Variants in PDK1 observed in about 807,000 individuals in gnomAD.
PDK1 encodes [Pyruvate dehydrogenase (acetyl-transferring)] kinase isozyme 1, mitochondrial.
PDK1 carries 39 observed loss-of-function variants against 54.2 expected under a neutral mutation model. That is an observed-to-expected ratio of 0.72 (90% confidence interval 0.56 to 0.94). The LOEUF is 0.94. Among genes scored for constraint, PDK1 ranks in the 40% least tolerant of loss-of-function variants. The pLI is 0.00. For synonymous variants in PDK1, 221 were observed against 207.1 expected (o/e 1.07, Z -0.58); for missense variants, 552 against 566.0 (o/e 0.98, Z 0.25).
Position 172,566,904 on chromosome 2 carries a change from C to G in PDK1, c.740C>G (p.Ser247Cys), listed in dbSNP as rs764312711. Residue 247 changes from serine (S) to cysteine (C), a missense_variant, in exon 6 of 11, where the codon TCT becomes TGT. Transcript: ENST00000282077. ...CTGTGTGATTTGTATTATATTAACT[C>G]TCCCGAACTAGAACTTGAAGAACTA... Reference protein sequence around the residue: ...RRLCDLYYINSPELELEELNA... With the variant: ...RRLCDLYYINCPELELEELNA... 2.5e-6 allele frequency: 4 copies of G among 1,610,178 alleles called. No individual in the cohort carries two copies. In the African/African-American group the frequency reaches 4.0e-5, roughly 16 times the overall value.
the PDK1 span, among the ~76,000 whole-genome samples, chr2:172,646,735 C>CTTTTTTTTTTTTTTTTTTTTTT: frequency 1.6e-3 from 117 of 72,032 alleles, 21 homozygotes; most frequent in African/African-American, 5.2e-3. Context: ...CTTGCATTTC[C>CTTTTTTTTTTTTTTTTTTTTTT]TTTTTTTTTT....
chr2:172,642,576 C>T, the PDK1 span, among the ~76,000 whole-genome samples: 2 of 152,312 alleles, frequency 1.3e-5, no homozygotes, highest in East Asian at 1.9e-4. Context: ...TTTTAACAAG[C>T]CCTCCAGGTG....
At chr2:172,665,760 A>G in the PDK1 span, among the ~76,000 whole-genome samples, 7 of 152,204 alleles carry the variant, frequency 4.6e-5, no homozygotes, top group East Asian at 1.3e-3. Flanking sequence ...CCTGTGACCA[A>G]GTAGCACAGT....
At chr2:172,571,106 A>G (rs1486627842) in intron 8 of PDK1, among the ~76,000 whole-genome samples, 2 of 152,182 alleles carry the variant, frequency 1.3e-5, no homozygotes, top group African/African-American at 4.8e-5. Flanking sequence ...AGTAAGATCT[A>G]AAATATTTGG....
At position 172,602,551 on chromosome 2, in the gene PDK1, A is replaced by G. The variant is rs1252326087; in HGVS notation, c.*6582A>G. ...ATGAGGTTGGATCCATGGGCCTGCCATGGAAAATTTGTTGAGTAATACGTC... is the reference window on the plus strand; with the variant it reads ...ATGAGGTTGGATCCATGGGCCTGCCGTGGAAAATTTGTTGAGTAATACGTC... On this transcript the variant is annotated 3_prime_UTR_variant, in exon 11 of 11. Coordinates refer to ENST00000282077, the MANE Select transcript of PDK1 (RefSeq NM_002610.5). 6.6e-6 allele frequency: 1 copy of G among 152,188 alleles called. No homozygotes were observed. Among genetic ancestry groups the G allele is most frequent in the Admixed American group, 6.5e-5 (1 of 15,282 alleles). 9.4% of individuals were successfully genotyped at this position (152,188 alleles called of 1,614,324 possible).
chr2:172,560,863 C>G (rs535072452), intron 2 of PDK1, among the ~76,000 whole-genome samples: 1 of 152,274 alleles, frequency 6.6e-6, no homozygotes, highest in South Asian at 2.1e-4. Context: ...CTGTATGCTT[C>G]AAACAAATGA....
chr2:172,610,523 C>G (rs578057939), downstream of PDK1, among the ~76,000 whole-genome samples: 10 of 152,282 alleles, frequency 6.6e-5, no homozygotes, highest in Non-Finnish European at 8.8e-5. Flanking sequence ...AGTTATTAAT[C>G]TTTGGGTTAC....
At chr2:172,634,636 A>G in the PDK1 span, among the ~76,000 whole-genome samples, 1 of 152,038 alleles carries the variant, frequency 6.6e-6, no homozygotes, top group African/African-American at 2.4e-5. Context: ...AGACTTTTGG[A>G]TTATTTCCAC....
chr2:172,628,385 G>A, the PDK1 span, among the ~76,000 whole-genome samples: 1 of 152,154 alleles, frequency 6.6e-6, no homozygotes. Flanking sequence ...AGGTTTGAGG[G>A]TTAAGATAAT....
the PDK1 span, among the ~76,000 whole-genome samples, chr2:172,683,694 T>C: frequency 1.3e-5 from 2 of 152,216 alleles, no homozygotes; most frequent in African/African-American, 2.4e-5. Context: ...TTGGGACTAC[T>C]GTGGGGATGA....
At chr2:172,696,136 C>T in the PDK1 span, among the ~76,000 whole-genome samples, 1 of 143,714 alleles carries the variant, frequency 7.0e-6, no homozygotes, top group Non-Finnish European at 1.5e-5. Flanking sequence ...CTCACCATTG[C>T]ACTCCAGCCT....
chr2:172,585,556 C>T (rs1690176868), intron 8 of PDK1, among the ~76,000 whole-genome samples: 1 of 151,922 alleles, frequency 6.6e-6, no homozygotes, highest in Non-Finnish European at 1.5e-5. Flanking sequence ...GAACTCCTGA[C>T]CTCAAGTGAT....
chr2:172,651,891 G>T, the PDK1 span, among the ~76,000 whole-genome samples: 1 of 152,176 alleles, frequency 6.6e-6, no homozygotes, highest in African/African-American at 2.4e-5. Context: ...CCAGTGGTAT[G>T]AGGAAGAGCT....
chr2:172,721,924 C>G, the PDK1 span, among the ~76,000 whole-genome samples: 1 of 152,244 alleles, frequency 6.6e-6, no homozygotes, highest in Non-Finnish European at 1.5e-5. Flanking sequence ...ATGCTCTCTT[C>G]TATAGTAGAA....
At chr2:172,589,731 G>A (rs1382924935) in intron 9 of PDK1, among the ~76,000 whole-genome samples, 2 of 152,192 alleles carry the variant, frequency 1.3e-5, no homozygotes, top group Non-Finnish European at 2.9e-5. Flanking sequence ...TCTGATTCTT[G>A]AGTCCATACA....
Position 172,556,142 on chromosome 2 carries a change from G to C in PDK1, c.-9G>C, listed in dbSNP as rs578148264. 3.3e-5 allele frequency: 47 copies of C among 1,406,984 alleles called. No homozygotes were observed. In the African/African-American group the frequency reaches 7.0e-4, roughly 21 times the overall value. The allele number at this position is 1,406,984 out of a possible 1,614,324, so 87.2% of individuals were successfully genotyped here. A position where few individuals can be genotyped will look rare whatever the true frequency, so the allele number is the denominator to read the frequency against. ...CGTACTGGCTGTGGCTTCTCTAGCGGGACTCGGCATGAGGCTGGCGCGGCT... is the reference window on the plus strand; with the variant it reads ...CGTACTGGCTGTGGCTTCTCTAGCGCGACTCGGCATGAGGCTGGCGCGGCT... On this transcript the variant is annotated 5_prime_UTR_variant, in exon 1 of 11. Coordinates refer to ENST00000282077, the MANE Select transcript of PDK1 (RefSeq NM_002610.5).
At chr2:172,577,134 A>G (rs1689623277) in intron 8 of PDK1, among the ~76,000 whole-genome samples, 2 of 152,260 alleles carry the variant, frequency 1.3e-5, no homozygotes, top group South Asian at 4.2e-4. Context: ...TCTGTTGAGT[A>G]CATATATGTT....
chr2:172,687,215 T>C, the PDK1 span, among the ~76,000 whole-genome samples: 2 of 152,302 alleles, frequency 1.3e-5, no homozygotes, highest in African/African-American at 4.8e-5. Context: ...ATCAGGCCAA[T>C]TACTAATGAG....
At chr2:172,659,450 G>C in the PDK1 span, among the ~76,000 whole-genome samples, 3 of 152,074 alleles carry the variant, frequency 2.0e-5, no homozygotes, top group African/African-American at 7.2e-5. Flanking sequence ...TTTCTTATGA[G>C]GGCTCCTGTG....
Sources: gnomAD v4.1 joint callset for allele counts (sites outside exome capture counted in the v4.1 genomes callset) on GRCh38, gnomAD v4.1.1 for gene constraint, MANE v1.5 for transcripts, NCBI Gene and HGNC (gene_info 2026-07-23, HGNC 2026-07-21) for gene names.